Variants in ABCA9 observed in about 807,000 individuals in gnomAD.
ABCA9 encodes ATP-binding cassette sub-family A member 9.
A neutral mutation model predicts 205.3 loss-of-function variants in ABCA9; 183 were observed. The observed-to-expected ratio is 0.89, with a 90% CI of 0.79 to 1.01. The LOEUF (loss-of-function observed/expected upper bound fraction) is 1.01. Among genes scored for constraint, ABCA9 ranks in the 50% least tolerant of loss-of-function variants. The pLI, the probability that ABCA9 is intolerant of heterozygous loss-of-function variation, is 0.00. For missense variants in ABCA9, 1,805 were observed against 1,912.4 expected (o/e 0.94, Z 1.05); for synonymous variants, 651 against 683.3 (o/e 0.95, Z 0.74).
intron 22 of ABCA9, among the ~76,000 whole-genome samples, chr17:69,014,051 T>C (rs2144234304): frequency 6.6e-6 from 1 of 152,282 alleles, no homozygotes; most frequent in South Asian, 2.1e-4. Flanking sequence ...TCCTATTCTT[T>C]GTCATCCAGA....
At chr17:69,008,961 C>G (rs948229803) in intron 23 of ABCA9, among the ~76,000 whole-genome samples, 1 of 152,034 alleles carries the variant, frequency 6.6e-6, no homozygotes, top group Admixed American at 6.6e-5. Flanking sequence ...GATTCATTAG[C>G]AAAAAACTGG....
At position 68,976,303 on chromosome 17, in the gene ABCA9, A is replaced by G. The variant is rs141443255; in HGVS notation, c.4721-113T>C. On this transcript the variant is annotated intron_variant, in intron 37 of 38. Transcript: ENST00000340001. ...TCTTAAACATAAAAGATAAGGTAAT[A>G]AGTATTCTTAGACTAAATATGGGAA... 1.5e-4 allele frequency: 130 copies of G among 891,480 alleles called. 1 individual carries two copies. The African/African-American group carries it at 1.7e-3, about 12-fold the overall frequency. 55.2% of individuals were successfully genotyped at this position (891,480 alleles called of 1,614,324 possible).
intron 25 of ABCA9, among the ~76,000 whole-genome samples, chr17:68,997,755 A>G (rs1277688889): frequency 1.3e-5 from 2 of 152,112 alleles, no homozygotes; most frequent in African/African-American, 2.4e-5. Flanking sequence ...ATTCCCCAAC[A>G]AAGCAGTACA....
intron 26 of ABCA9, among the ~76,000 whole-genome samples, chr17:68,993,882 A>T (rs1327873406): frequency 6.6e-6 from 1 of 150,508 alleles, no homozygotes; most frequent in Non-Finnish European, 1.5e-5. Context: ...CTGATACTAT[A>T]TTTTTTTTTA....
At chr17:69,049,780 C>T (rs1273569681) in intron 2 of ABCA9, among the ~76,000 whole-genome samples, 1 of 151,946 alleles carries the variant, frequency 6.6e-6, no homozygotes, top group Admixed American at 6.6e-5. Context: ...TATGAATGGC[C>T]CAACAGTTTA....
intron 26 of ABCA9, among the ~76,000 whole-genome samples, chr17:68,994,642 A>G (rs1193203366): frequency 1.3e-5 from 2 of 152,232 alleles, no homozygotes; most frequent in African/African-American, 2.4e-5. Flanking sequence ...AAAAGGTAGA[A>G]TCAGTCAGAA....
intron 26 of ABCA9, 37 bp downstream of exon 26, chr17:68,995,858 C>T: frequency 2.5e-6 from 4 of 1,609,542 alleles, no homozygotes; most frequent in East Asian, 4.5e-5. Context: ...AATGACCACA[C>T]ATTTCATGAC....
intron 25 of ABCA9, among the ~76,000 whole-genome samples, chr17:69,003,217 G>T (rs1294213953): frequency 1.3e-5 from 2 of 151,868 alleles, no homozygotes; most frequent in Non-Finnish European, 2.9e-5. Context: ...TAGTCTCGAT[G>T]GTCTTTACAT....
In ABCA9 at chr17:69,027,741, A is replaced by C. The variant is rs1327984585; in HGVS notation, c.1690T>G (p.Cys564Gly). 6.2e-7 allele frequency: 1 copy of C among 1,613,176 alleles called. No individual in the cohort carries two copies. The highest frequency in any genetic ancestry group is 8.5e-7 in the Non-Finnish European group (1 of 1,179,468). Residue 564 changes from cysteine (C) to glycine (G), a missense_variant, in exon 13 of 39, where the codon TGT (cysteine) becomes GGT (glycine). Cys to Gly is a radical substitution (Grantham distance 159). Transcript: ENST00000340001. The part of the protein sequence containing the change: ...IENISKFTGF[C>G]PQSNVQFGFL... ...CCAAATTGCACATTGGATTGTGGAC[A>C]AAATCCAGTGAACTTGCTGATATTT...
chr17:69,004,167 G>C (rs957992882), intron 25 of ABCA9, among the ~76,000 whole-genome samples: 2 of 152,220 alleles, frequency 1.3e-5, no homozygotes, highest in African/African-American at 4.8e-5. Context: ...GTGAGGAGCT[G>C]CACTCCTTTG....
intron 1 of ABCA9, among the ~76,000 whole-genome samples, chr17:69,055,603 C>A (rs915610042): frequency 6.6e-6 from 1 of 152,200 alleles, no homozygotes; most frequent in South Asian, 2.1e-4. Flanking sequence ...ATGGACAGAT[C>A]CAGCAGGCAG....
chr17:69,003,631 G>A (rs573733218), intron 25 of ABCA9, among the ~76,000 whole-genome samples: 8 of 147,378 alleles, frequency 5.4e-5, no homozygotes, highest in East Asian at 2.0e-4. Context: ...TCTTTGTGGC[G>A]TTCTCTGTAT....
intron 25 of ABCA9, among the ~76,000 whole-genome samples, chr17:68,998,297 G>A (rs1034546579): frequency 2.6e-5 from 4 of 152,094 alleles, no homozygotes; most frequent in African/African-American, 9.7e-5. Context: ...CTTTTAAAAC[G>A]TTTACTTCCA....
rs1266959686 is a variant in ABCA9 at position 69,032,251 on chromosome 17, G to C, written c.1302C>G (p.Pro434=). The C allele has an allele frequency of 1.2e-6, 2 of 1,613,780 alleles. No individual in the cohort carries two copies. Among genetic ancestry groups the C allele is most frequent in the Admixed American group, 3.3e-5 (2 of 59,974 alleles). ...LPAEYGHRCS[P]LFFLKSCFWF... is the part of the protein sequence containing the mutation. ...AAAAACAGGATTTCAGGAAAAACAA[G>C]GGAGAACATCGATGTCCATATTCAG... Residue 434 remains proline (P), a synonymous_variant, in exon 10 of 39, where the codon CCC becomes CCG. Coordinates refer to ENST00000340001, the MANE Select transcript of ABCA9 (RefSeq NM_080283.4).
chr17:69,031,833 G>A (rs2071160616), intron 10 of ABCA9, among the ~76,000 whole-genome samples: 1 of 152,160 alleles, frequency 6.6e-6, no homozygotes, highest in African/African-American at 2.4e-5. Context: ...ACAAAGAGGA[G>A]AAATAAGAAA....
At chr17:69,037,464 T>G (rs1469373900) in intron 6 of ABCA9, among the ~76,000 whole-genome samples, 1 of 152,184 alleles carries the variant, frequency 6.6e-6, no homozygotes, top group Non-Finnish European at 1.5e-5. Context: ...CCTGAATGAC[T>G]ACTGGGTAAA....
chr17:68,976,223 A>ATTT lies in ABCA9; in HGVS notation c.4721-36_4721-34dup, dbSNP rs369471537. 171 of 1,459,540 alleles carry ATTT rather than the reference A, an allele frequency of 1.2e-4. No individual in the cohort carries two copies. The African/African-American group carries it at 2.1e-3, about 18-fold the overall frequency. 90.4% of individuals were successfully genotyped at this position (1,459,540 alleles called of 1,614,324 possible). ...AGAATGAGCATACATTAGGAATTCT[A>ATTT]TTTTTTTTTTCAGTGAGTTTTACCA... On this transcript the variant is annotated intron_variant, in intron 37 of 38. Transcript: ENST00000340001.
chr17:69,005,384 A>G (rs906791485), intron 25 of ABCA9, among the ~76,000 whole-genome samples: 1 of 152,152 alleles, frequency 6.6e-6, no homozygotes, highest in African/African-American at 2.4e-5. Flanking sequence ...GCCACAGTCC[A>G]ATTCAGTCCA....
rs193021989 is a variant in ABCA9, at chr17:69,016,655, T to C, written c.2902-265A>G. 1.7e-4 allele frequency among the ~76,000 whole-genome samples: 26 copies of C among 152,248 alleles called. 1 individual carries two copies. The highest frequency in any genetic ancestry group is 6.0e-4 in the African/African-American group (25 of 41,566). ...CAAAACAAAATACTTCAAATGATAT[T>C]TAGCAGCAACACTACGAAACTCCAT... On this transcript the variant is annotated intron_variant, in intron 21 of 38. Coordinates refer to ENST00000340001, the MANE Select transcript of ABCA9 (RefSeq NM_080283.4).
Sources: allele counts gnomAD v4.1 joint callset (sites outside exome capture counted in the v4.1 genomes callset), GRCh38; gene constraint gnomAD v4.1.1; transcripts MANE v1.5; gene names NCBI Gene and HGNC (gene_info 2026-07-23, HGNC 2026-07-21).